Variants in RRP12 observed in about 807,000 individuals in gnomAD.
RRP12 encodes RRP12-like protein.
Under a neutral mutation model 157.3 loss-of-function variants are expected in RRP12, and 78 were observed. The ratio of observed to expected loss-of-function variants is 0.50; its 90% CI spans 0.41 to 0.60. The LOEUF (loss-of-function observed/expected upper bound fraction) is 0.60, where lower values mean the gene tolerates loss of function less well. RRP12 is among the 20% of genes least tolerant of loss of function. The pLI is 0.00. For missense variants in RRP12, 1,521 were observed against 1,679.9 expected, an observed-to-expected ratio of 0.91 and a Z score of 1.65; for synonymous variants, 726 against 670.9, an observed-to-expected ratio of 1.08 and a Z score of -1.27.
At chr10:97,388,803 G>C (rs1339080185) in intron 6 of RRP12, among the ~76,000 whole-genome samples, 179 bp from the exon 7 acceptor site, 1 of 152,206 alleles carries the variant, frequency 6.6e-6, no homozygotes. Context: ...GAGCTGTGAA[G>C]CAAGACAAAC....
chr10:97,372,888 TC>T, intron 18 of RRP12, 85 bp from the exon 19 acceptor site: 1 of 1,456,632 alleles, frequency 6.9e-7, no homozygotes, highest in African/African-American at 1.4e-5. Flanking sequence ...CAGAGCGGCC[TC>T]CCCATCAGCC....
At position 97,391,559 on chromosome 10, in the gene RRP12, G is replaced by A. The variant is rs144545286; in HGVS notation, c.531-715C>T. On this transcript the variant is annotated intron_variant, in intron 4 of 33. Coordinates refer to ENST00000370992, the MANE Select transcript of RRP12 (RefSeq NM_015179.4). The stretch of plus-strand genomic sequence containing the variant: ...GCACTCTAGCCTGGGCAACAAGAGC[G>A]AAACTCTGTCTCAAAAATAAATAAA... Among the ~76,000 whole-genome samples the A allele has an allele frequency of 6.1e-4, 92 of 152,012 alleles. 1 individual carries two copies. The East Asian group carries it at 9.5e-3, about 16-fold the overall frequency.
chr10:97,378,359 T>A (rs1455838807), intron 15 of RRP12, among the ~76,000 whole-genome samples: 1 of 152,234 alleles, frequency 6.6e-6, no homozygotes, highest in African/African-American at 2.4e-5. Context: ...TATAGTCTAT[T>A]GCTCCTAGGC....
chr10:97,400,466 C>T lies in RRP12; in HGVS notation c.208G>A (p.Gly70Ser), dbSNP rs1027073407. 23 of 1,614,004 alleles carry T rather than the reference C, an allele frequency of 1.4e-5. No individual in the cohort carries two copies. The highest frequency in any genetic ancestry group is 1.9e-5 in the Non-Finnish European group (22 of 1,180,028). Residue 70 changes from glycine (G) to serine (S), a missense_variant, in exon 2 of 34, where the codon GGC becomes AGC. Physicochemically the swap from Gly to Ser is moderately conservative, Grantham distance 56. Transcript: ENST00000370992. ...NELQSGSLRL[G>S]KSEAPETPME... ...GGCGTCTCCGGGGCTTCGCTTTTGC[C>T]CAAGCGCAAGGACCCTGACTGCAGC...
chr10:97,385,961 G>A lies in RRP12; in HGVS notation c.1050C>T (p.His350=). 6.2e-7 allele frequency: 1 copy of A among 1,604,454 alleles called. No individual in the cohort carries two copies. The highest frequency in any genetic ancestry group is 8.5e-7 in the Non-Finnish European group (1 of 1,175,726). ...GGCCAGGCCTGGCGTGGAAGAGGCT[G>A]TGAAAGGCCTGCATGGCACAGGCTG... ...LVTACAMQAF[H]SLFHARPGLS... The change falls in exon 9 of 34, where the codon CAC becomes CAT. Residue 350 remains histidine, a synonymous_variant. Coordinates refer to ENST00000370992, the MANE Select transcript of RRP12 (RefSeq NM_015179.4).
At chr10:97,359,641 C>T (rs182767389) in intron 31 of RRP12, among the ~76,000 whole-genome samples, 7 of 152,326 alleles carry the variant, frequency 4.6e-5, no homozygotes, top group Admixed American at 1.3e-4. Flanking sequence ...ACGACCAACA[C>T]GAACCACCCC....
chr10:97,391,644 G>C (rs535314270), intron 4 of RRP12, among the ~76,000 whole-genome samples: 1 of 150,306 alleles, frequency 6.7e-6, no homozygotes, highest in Non-Finnish European at 1.5e-5. Context: ...CATTTCGGCC[G>C]GACGCAGTGG....
At chr10:97,390,894 C>A in intron 4 of RRP12, 50 bp from the exon 5 acceptor site, 1 of 1,220,872 alleles carries the variant, frequency 8.2e-7, no homozygotes, top group Non-Finnish European at 1.2e-6. Flanking sequence ...TGAAGAGCAG[C>A]TGGTGCAGCC....
At chr10:97,375,582 C>T (rs1844282733) in intron 15 of RRP12, among the ~76,000 whole-genome samples, 1 of 152,066 alleles carries the variant, frequency 6.6e-6, no homozygotes, top group African/African-American at 2.4e-5. Flanking sequence ...ATTACCAGGA[C>T]AAAGGGAATA....
At chr10:97,377,851 A>G (rs1970454) in intron 15 of RRP12, among the ~76,000 whole-genome samples, 8,057 of 151,638 alleles carry the variant, frequency 0.053, 250 homozygotes, top group Non-Finnish European at 0.063. Flanking sequence ...TCTCAAAAAA[A>G]AAAAAAAAAA....
chr10:97,385,843 C>T (rs1844615725), intron 9 of RRP12, 52 bp downstream of exon 9: 1 of 1,361,640 alleles, frequency 7.3e-7, no homozygotes, highest in African/African-American at 1.4e-5. Context: ...GCACAGCCTC[C>T]CAAGGCACCA....
At chr10:97,383,698 G>A (rs1289954269) in intron 10 of RRP12, among the ~76,000 whole-genome samples, 1 of 152,246 alleles carries the variant, frequency 6.6e-6, no homozygotes, top group Non-Finnish European at 1.5e-5. Flanking sequence ...CAGACACAAA[G>A]CAGAAAGTCG....
chr10:97,375,711 T>C (rs962594177), intron 15 of RRP12, among the ~76,000 whole-genome samples: 3 of 152,184 alleles, frequency 2.0e-5, no homozygotes, highest in East Asian at 1.9e-4. Flanking sequence ...CTATTGAAAA[T>C]AGAACAAATT....
At chr10:97,385,381 A>C (rs1844600597) in intron 9 of RRP12, 124 bp from the exon 10 acceptor site, 1 of 748,540 alleles carries the variant, frequency 1.3e-6, no homozygotes, top group Non-Finnish European at 2.3e-6. Context: ...TAGCACTCAC[A>C]GCCCCCTTGG....
chr10:97,386,644 A>T (rs1199946064), intron 8 of RRP12, among the ~76,000 whole-genome samples: 2 of 152,184 alleles, frequency 1.3e-5, no homozygotes, highest in Non-Finnish European at 2.9e-5. Context: ...AACAATGATC[A>T]TATTATTTAT....
chr10:97,376,864 T>C (rs923798309), intron 15 of RRP12, among the ~76,000 whole-genome samples: 5 of 151,658 alleles, frequency 3.3e-5, no homozygotes, highest in African/African-American at 1.2e-4. Context: ...CGGCAGGCCA[T>C]ACAATTTCTT....
chr10:97,381,651 G>C, intron 11 of RRP12, 64 bp downstream of exon 11: 1 of 1,442,278 alleles, frequency 6.9e-7, no homozygotes, highest in Non-Finnish European at 9.7e-7. Context: ...GCCAGTGCTG[G>C]GAAAGACAGG....
chr10:97,359,606 T>C (rs1291034090), intron 31 of RRP12, among the ~76,000 whole-genome samples: 2 of 152,216 alleles, frequency 1.3e-5, no homozygotes, highest in Non-Finnish European at 2.9e-5. Context: ...AATCCTACCA[T>C]GCCAGCTCAG....
chr10:97,390,893 G>A (rs1186025923), intron 4 of RRP12, 49 bp from the exon 5 acceptor site: 1 of 1,230,108 alleles, frequency 8.1e-7, no homozygotes, highest in Non-Finnish European at 1.2e-6. Flanking sequence ...CTGAAGAGCA[G>A]CTGGTGCAGC....
Sources: allele counts gnomAD v4.1 joint callset (sites outside exome capture counted in the v4.1 genomes callset), GRCh38; gene constraint gnomAD v4.1.1; transcripts MANE v1.5; gene names NCBI Gene and HGNC (gene_info 2026-07-23, HGNC 2026-07-21).